SOS1: variants seen among roughly 807,000 people sequenced by gnomAD.
SOS1 encodes SOS Ras/Rac guanine nucleotide exchange factor 1.
SOS1 carries 25 observed loss-of-function variants against 157.6 expected under a neutral mutation model. The observed-to-expected ratio is 0.16, with a 90% CI of 0.12 to 0.22. SOS1 has a LOEUF of 0.22. Ranked by LOEUF, SOS1 falls within the 10% of genes least tolerant of loss-of-function variation. The pLI is 1.00. For missense variants in SOS1, 1,237 were observed against 1,599.1 expected, an observed-to-expected ratio of 0.77 and a Z score of 3.86; for synonymous variants, 528 against 534.0, an observed-to-expected ratio of 0.99 and a Z score of 0.16.
At position 39,023,592 on chromosome 2, in the gene SOS1, A is replaced by C. The variant is rs1669867117; in HGVS notation, c.1203-367T>G. On this transcript the variant is annotated intron_variant, in intron 9 of 22. Coordinates refer to ENST00000402219, the MANE Select transcript of SOS1 (RefSeq NM_005633.4). ...ATTATTTAGAAGAGTTTAAATGGAC[A>C]AGACCCAAAGCTAAAAACATGTAGC... 2.0e-5 allele frequency among the ~76,000 whole-genome samples: 3 copies of C among 152,156 alleles called. No individual in the cohort carries two copies. In the South Asian group the frequency reaches 6.2e-4, roughly 31 times the overall value.
intron 6 of SOS1, among the ~76,000 whole-genome samples, chr2:39,047,094 C>A (rs140343287): frequency 9.9e-5 from 15 of 152,258 alleles, no homozygotes; most frequent in Admixed American, 9.2e-4. Flanking sequence ...ATTTCTAGCA[C>A]CTCAGAAATC....
rs1468663391 is a variant in SOS1 at position 38,982,725 on chromosome 2, CATATT to C, written c.*3094_*3098del. On this transcript the variant is annotated 3_prime_UTR_variant, in exon 23 of 23. Coordinates refer to ENST00000402219, the MANE Select transcript of SOS1 (RefSeq NM_005633.4). The stretch of plus-strand genomic sequence containing the variant: ...ACTTAAAAATCTGAATTTAAGCTGT[CATATT>C]AGAAGACAAACAATGAAATACAAGA... 4 of 152,174 alleles carry C rather than the reference CATATT, an allele frequency of 2.6e-5. No homozygotes were observed. Among genetic ancestry groups the C allele is most frequent in the East Asian group, 1.9e-4 (1 of 5,176 alleles). The allele number at this position is 152,174 out of a possible 1,614,324, so 9.4% of individuals were successfully genotyped here. A position where few individuals can be genotyped will look rare whatever the true frequency, so the allele number is the denominator to read the frequency against.
chr2:39,029,990 C>T (rs1021030972), intron 8 of SOS1, among the ~76,000 whole-genome samples: 8 of 150,866 alleles, frequency 5.3e-5, no homozygotes, highest in African/African-American at 1.7e-4. Flanking sequence ...AACAGAGCGA[C>T]GTCTCATCTC....
chr2:39,118,101 A>G (rs1313268248), intron 1 of SOS1, among the ~76,000 whole-genome samples: 1 of 152,216 alleles, frequency 6.6e-6, no homozygotes, highest in East Asian at 1.9e-4. Flanking sequence ...CTTAAAATTC[A>G]CAGAGCTAGG....
intron 1 of SOS1, among the ~76,000 whole-genome samples, chr2:39,105,853 T>C (rs1223374622): frequency 6.6e-6 from 1 of 151,692 alleles, no homozygotes; most frequent in Non-Finnish European, 1.5e-5. Context: ...TGAGCCGAGA[T>C]CGCACCATTG....
At chr2:39,043,761 A>G (rs780647260) in intron 6 of SOS1, among the ~76,000 whole-genome samples, 9 of 152,062 alleles carry the variant, frequency 5.9e-5, no homozygotes, top group Non-Finnish European at 1.3e-4. Context: ...AACAGGCCTG[A>G]CATCATGGGG....
intron 17 of SOS1, among the ~76,000 whole-genome samples, chr2:38,998,291 C>G (rs1369641453): frequency 6.6e-6 from 1 of 151,812 alleles, no homozygotes; most frequent in Non-Finnish European, 1.5e-5. Context: ...ACTCTGTCTC[C>G]CAGGCTAGAG....
intron 6 of SOS1, among the ~76,000 whole-genome samples, chr2:39,042,082 C>T (rs1558484076): frequency 6.6e-6 from 1 of 152,044 alleles, no homozygotes; most frequent in Non-Finnish European, 1.5e-5. Context: ...CTAATTGTTA[C>T]CTGCACCAGT....
intron 1 of SOS1, among the ~76,000 whole-genome samples, chr2:39,070,867 G>T (rs897826114): frequency 5.3e-5 from 8 of 151,992 alleles, no homozygotes; most frequent in African/African-American, 1.9e-4. Flanking sequence ...TCTATTTATT[G>T]TATTTGTTTA....
At chr2:39,074,688 A>AGAAAGCTT (rs1393662236) in intron 1 of SOS1, among the ~76,000 whole-genome samples, 1 of 152,028 alleles carries the variant, frequency 6.6e-6, no homozygotes. Flanking sequence ...ACCAACATGG[A>AGAAAGCTT]GAAAGCTTGT....
rs1299995458 is a variant in SOS1 at position 38,983,767 on chromosome 2, A to ATGAT, written c.*2053_*2056dup. The ATGAT allele has an allele frequency of 6.6e-6, 1 of 152,166 alleles. No homozygotes were observed. Among genetic ancestry groups the ATGAT allele is most frequent in the Non-Finnish European group, 1.5e-5 (1 of 68,002 alleles). 9.4% of individuals were successfully genotyped at this position (152,166 alleles called of 1,614,324 possible). A position where few individuals can be genotyped will look rare whatever the true frequency, so the allele number is the denominator to read the frequency against. Reference sequence around the variant, plus strand: ...CCAGGGAGATTCTGGACTGTCTATCATGATTAGTTGTAGCGGCTCTAGTAA... The same window carrying ATGAT: ...CCAGGGAGATTCTGGACTGTCTATCATGATTGATTAGTTGTAGCGGCTCTAGTAA... On this transcript the variant is annotated 3_prime_UTR_variant, in exon 23 of 23. Coordinates refer to ENST00000402219, the MANE Select transcript of SOS1 (RefSeq NM_005633.4).
Position 39,007,201 on chromosome 2 carries a change from T to TAA in SOS1, c.2511-10_2511-9dup. Reference sequence around the variant, plus strand: ...TCAGTTTCTACAATACATCTGGGAATAAAAAAAAAGTGAACTAAAGGTTTT... The same window carrying TAA: ...TCAGTTTCTACAATACATCTGGGAATAAAAAAAAAAAGTGAACTAAAGGTTTT... On this transcript the variant is annotated splice_polypyrimidine_tract_variant and intron_variant, in intron 15 of 22. Coordinates refer to ENST00000402219, the MANE Select transcript of SOS1 (RefSeq NM_005633.4). 1 of 1,541,766 alleles carries TAA rather than the reference T, an allele frequency of 6.5e-7. No homozygotes were observed. Among genetic ancestry groups the TAA allele is most frequent in the African/African-American group, 1.4e-5 (1 of 72,994 alleles).
chr2:38,987,689 T>TAATG, intron 21 of SOS1, 98 bp from the exon 22 acceptor site: 2 of 711,244 alleles, frequency 2.8e-6, no homozygotes. Flanking sequence ...TAATTAAAAG[T>TAATG]AATGTGTAGA....
chr2:39,007,745 T>C (rs1216236900), intron 15 of SOS1, among the ~76,000 whole-genome samples: 1 of 152,194 alleles, frequency 6.6e-6, no homozygotes, highest in Non-Finnish European at 1.5e-5. Flanking sequence ...TGCATTGAGA[T>C]TCTGGACTTG....
Position 39,120,330 on chromosome 2 carries a change from C to G in SOS1, c.87+6G>C, listed in dbSNP as rs777383378. On this transcript the variant is annotated splice_donor_region_variant and intron_variant, in intron 1 of 22. Transcript: ENST00000402219. ...GCCGGGAAGCGGGGTCCCGCGTGCT[C>G]CTCACCTTTTTCAGCGCAGGCACCA... The G allele has an allele frequency of 1.5e-5, 24 of 1,580,890 alleles. No individual in the cohort carries two copies. The highest frequency in any genetic ancestry group is 2.0e-5 in the Non-Finnish European group (23 of 1,164,686).
chr2:39,109,063 G>C (rs145393816), intron 1 of SOS1, among the ~76,000 whole-genome samples: 4 of 152,092 alleles, frequency 2.6e-5, no homozygotes, highest in Non-Finnish European at 4.4e-5. Context: ...GCTGGGTGTG[G>C]TGGCATGTGT....
Position 38,989,279 on chromosome 2 carries a change from G to A in SOS1, c.3382C>T (p.His1128Tyr), listed in dbSNP as rs762576997. ...AACCAAATATACTAACTTGGGCCAT[G>A]GGGCAGAGTAACTTGGATAAAGACG... ...DTVFIQVTLP[H>Y]GPRSASVSSI... The change falls in exon 21 of 23, where the codon CAT (histidine) becomes TAT (tyrosine). Residue 1128 changes from histidine (H) to tyrosine (Y), a missense_variant. His to Tyr is a moderately conservative substitution (Grantham distance 83). Coordinates refer to ENST00000402219, the MANE Select transcript of SOS1 (RefSeq NM_005633.4). 2 of 1,603,666 alleles carry A rather than the reference G, an allele frequency of 1.2e-6. No homozygotes were observed. The highest frequency in any genetic ancestry group is 3.3e-5 in the Admixed American group (2 of 59,888).
At chr2:39,045,273 A>AGAGTGAGT (rs138343013) in intron 6 of SOS1, among the ~76,000 whole-genome samples, 1 of 108,048 alleles carries the variant, frequency 9.3e-6, no homozygotes, top group African/African-American at 3.4e-5. Flanking sequence ...AGAGAGAGAG[A>AGAGTGAGT]GTGTGTGTGT....
intron 1 of SOS1, among the ~76,000 whole-genome samples, chr2:39,115,144 A>G (rs977069451): frequency 1.3e-5 from 2 of 152,124 alleles, no homozygotes; most frequent in Non-Finnish European, 2.9e-5. Context: ...CTGACATACA[A>G]TAAACTGCAC....
Sources: gnomAD v4.1 joint callset for allele counts (sites outside exome capture counted in the v4.1 genomes callset) on GRCh38, gnomAD v4.1.1 for gene constraint, MANE v1.5 for transcripts, NCBI Gene and HGNC (gene_info 2026-07-23, HGNC 2026-07-21) for gene names.